The following KLHL29 variants were observed in gnomAD, a reference collection of about 807,000 sequenced individuals.
KLHL29 encodes the protein kelch-like protein 29.
Under a neutral mutation model 80.4 loss-of-function variants are expected in KLHL29, and 21 were observed. The ratio of observed to expected loss-of-function variants is 0.26; its 90% CI spans 0.19 to 0.38. KLHL29 has a LOEUF of 0.38. Ranked by LOEUF, KLHL29 falls within the 10% of genes least tolerant of loss-of-function variation. The pLI is 1.00. For synonymous variants in KLHL29, 511 were observed against 526.8 expected, an observed-to-expected ratio of 0.97 and a Z score of 0.41; for missense variants, 867 against 1,223.9, an observed-to-expected ratio of 0.71 and a Z score of 4.35.
intron 1 of KLHL29, among the ~76,000 whole-genome samples, chr2:23,473,558 TGTCGTCAGGACAG>T (rs1027031269): frequency 4.6e-5 from 7 of 152,082 alleles, no homozygotes; most frequent in Admixed American, 2.0e-4. Context: ...GCAAGGCCAC[TGTCGTCAGGACAG>T]GCGTAGACAG....
chr2:23,387,085 C>G (rs1666202778), intron 1 of KLHL29, among the ~76,000 whole-genome samples: 2 of 152,148 alleles, frequency 1.3e-5, no homozygotes, highest in African/African-American at 2.4e-5. Flanking sequence ...ACGTTCTCCT[C>G]CCTCCCTCCC....
At chr2:23,621,797 G>A (rs1175373424) in intron 3 of KLHL29, among the ~76,000 whole-genome samples, 3 of 152,190 alleles carry the variant, frequency 2.0e-5, no homozygotes, top group African/African-American at 7.2e-5. Context: ...GCATCAAGTG[G>A]GCACCAAGGG....
intron 1 of KLHL29, among the ~76,000 whole-genome samples, chr2:23,437,071 G>A (rs1663365108): frequency 6.6e-6 from 1 of 152,192 alleles, no homozygotes; most frequent in African/African-American, 2.4e-5. Flanking sequence ...CCCTTTGCTA[G>A]GGTTTAGCTG....
chr2:23,702,845 C>T (rs183783305), intron 11 of KLHL29, among the ~76,000 whole-genome samples: 7 of 152,352 alleles, frequency 4.6e-5, no homozygotes, highest in African/African-American at 1.7e-4. Flanking sequence ...AAAGCAAATG[C>T]TCAGTCCAGC....
intron 1 of KLHL29, among the ~76,000 whole-genome samples, chr2:23,431,850 C>G (rs952769027): frequency 6.9e-6 from 1 of 144,326 alleles, no homozygotes; most frequent in Non-Finnish European, 1.5e-5. Flanking sequence ...TCAGCCGAGC[C>G]GAGATTGCGC....
rs144694812 is a variant in KLHL29, at chr2:23,416,610, T to C, written c.-154+30830T>C. On this transcript the variant is annotated intron_variant, in intron 1 of 13. Transcript: ENST00000486442. ...CCCTGTCTTTTGAGCTGTTCTCATC[T>C]CTCTGTCAATAGATCCATTGTCTAT... is the stretch of plus-strand genomic sequence containing the variant. Among the ~76,000 whole-genome samples the C allele has an allele frequency of 3.6e-3, 542 of 152,308 alleles. 1 individual carries two copies. Among genetic ancestry groups the C allele is most frequent in the African/African-American group, 0.013 (521 of 41,562 alleles).
At chr2:23,588,349 ACT>A (rs1469267037) in intron 3 of KLHL29, among the ~76,000 whole-genome samples, 3 of 151,890 alleles carry the variant, frequency 2.0e-5, no homozygotes, top group Non-Finnish European at 2.9e-5. Flanking sequence ...CAGGTTGCCC[ACT>A]CTCAACAGCA....
At chr2:23,521,777 G>A (rs910110351) in intron 2 of KLHL29, among the ~76,000 whole-genome samples, 2 of 152,210 alleles carry the variant, frequency 1.3e-5, no homozygotes, top group East Asian at 1.9e-4. Flanking sequence ...AGGACGTAAG[G>A]CTCTGTTGAA....
intron 2 of KLHL29, among the ~76,000 whole-genome samples, chr2:23,500,391 T>C (rs921677111): frequency 6.6e-6 from 1 of 152,244 alleles, no homozygotes; most frequent in Non-Finnish European, 1.5e-5. Context: ...TTGGTGTGTA[T>C]GTGCTATGTT....
chr2:23,634,610 C>T (rs1669560011), intron 3 of KLHL29, among the ~76,000 whole-genome samples: 1 of 152,146 alleles, frequency 6.6e-6, no homozygotes, highest in African/African-American at 2.4e-5. Flanking sequence ...AGTAGTCACT[C>T]CTCAGTGTCC....
chr2:23,508,956 ACT>A (rs559860884), intron 2 of KLHL29, among the ~76,000 whole-genome samples: 168 of 152,292 alleles, frequency 1.1e-3, no homozygotes, highest in African/African-American at 3.8e-3. Flanking sequence ...GGTGACTTAA[ACT>A]CTCTGTGCCT....
rs939214960 is a variant in KLHL29, at chr2:23,706,917, C to T, written c.*253C>T. On this transcript the variant is annotated 3_prime_UTR_variant, in exon 14 of 14. Coordinates refer to ENST00000486442, the MANE Select transcript of KLHL29 (RefSeq NM_052920.2). ...GGGCTGGCTGCCTCCTGAACAGGGGCGCTCGCTCTGCCAGGTGCAATAGAG... is the reference window on the plus strand; with the variant it reads ...GGGCTGGCTGCCTCCTGAACAGGGGTGCTCGCTCTGCCAGGTGCAATAGAG... 12 of 399,840 alleles carry T rather than the reference C, an allele frequency of 3.0e-5. No homozygotes were observed. Among genetic ancestry groups the T allele is most frequent in the Non-Finnish European group, 4.4e-5 (10 of 225,774 alleles). 24.8% of individuals were successfully genotyped at this position (399,840 alleles called of 1,614,324 possible). A position where few individuals can be genotyped will look rare whatever the true frequency, so the allele number is the denominator to read the frequency against.
At chr2:23,567,641 T>A (rs1333946666) in intron 3 of KLHL29, among the ~76,000 whole-genome samples, 1 of 152,152 alleles carries the variant, frequency 6.6e-6, no homozygotes, top group Non-Finnish European at 1.5e-5. Flanking sequence ...ATCATGTGAG[T>A]GACCGCAGGG....
chr2:23,504,179 T>C (rs1665529514), intron 2 of KLHL29, among the ~76,000 whole-genome samples: 1 of 152,226 alleles, frequency 6.6e-6, no homozygotes, highest in Admixed American at 6.5e-5. Flanking sequence ...AGATAAGTTT[T>C]AATACGTTCC....
chr2:23,512,499 A>C (rs1258986224), intron 2 of KLHL29, among the ~76,000 whole-genome samples: 1 of 152,204 alleles, frequency 6.6e-6, no homozygotes, highest in Non-Finnish European at 1.5e-5. Context: ...GTGATATGGC[A>C]AGGATTAAGC....
intron 5 of KLHL29, among the ~76,000 whole-genome samples, chr2:23,650,785 G>A (rs1445242045): frequency 6.6e-6 from 1 of 152,180 alleles, no homozygotes; most frequent in Non-Finnish European, 1.5e-5. Context: ...TAAACATCTG[G>A]CATCTGCTGT....
At chr2:23,672,988 C>T (rs1670811205) in intron 5 of KLHL29, among the ~76,000 whole-genome samples, 1 of 152,186 alleles carries the variant, frequency 6.6e-6, no homozygotes, top group South Asian at 2.1e-4. Flanking sequence ...GTGTCAGAGA[C>T]AAAGCTGATG....
At chr2:23,553,816 C>G (rs186419583) in intron 2 of KLHL29, among the ~76,000 whole-genome samples, 21 of 152,166 alleles carry the variant, frequency 1.4e-4, no homozygotes, top group African/African-American at 5.1e-4. Context: ...GCCCTGTGCT[C>G]GGGCAGCTCC....
intron 3 of KLHL29, among the ~76,000 whole-genome samples, chr2:23,627,558 A>G (rs1167288767): frequency 2.6e-5 from 4 of 152,182 alleles, no homozygotes; most frequent in East Asian, 3.8e-4. Flanking sequence ...AGTCCCCACA[A>G]TAAAACTGTA....
Sources: gnomAD v4.1 joint callset for allele counts (sites outside exome capture counted in the v4.1 genomes callset) on GRCh38, gnomAD v4.1.1 for gene constraint, MANE v1.5 for transcripts, NCBI Gene and HGNC (gene_info 2026-07-23, HGNC 2026-07-21) for gene names.